The following SNAP47 variants were observed in gnomAD, a reference collection of about 807,000 sequenced individuals.
SNAP47 encodes synaptosome associated protein 47.
SNAP47 carries 20 observed loss-of-function variants against 31.4 expected under a neutral mutation model. The observed-to-expected ratio is 0.64, with a 90% CI of 0.45 to 0.93. The LOEUF (loss-of-function observed/expected upper bound fraction) is 0.93. Ranked by LOEUF, SNAP47 falls within the 40% of genes least tolerant of loss-of-function variation. SNAP47 has a pLI of 0.00. For missense variants in SNAP47, 492 were observed against 528.5 expected (o/e 0.93, Z 0.68); for synonymous variants, 194 against 213.4 (o/e 0.91, Z 0.79).
chr1:227,740,180 G>A (rs545853176), intron 1 of SNAP47, among the ~76,000 whole-genome samples: 1 of 152,346 alleles, frequency 6.6e-6, no homozygotes, highest in Admixed American at 6.5e-5. Flanking sequence ...TCCGAACAGA[G>A]ACCTGCGGAG....
intron 4 of SNAP47, among the ~76,000 whole-genome samples, chr1:227,772,786 A>C (rs1048643281): frequency 2.6e-5 from 4 of 152,138 alleles, no homozygotes; most frequent in African/African-American, 9.7e-5. Context: ...GTCCAGATCG[A>C]GTTTTCCCAA....
intron 1 of SNAP47, among the ~76,000 whole-genome samples, chr1:227,747,472 G>C (rs1662039788): frequency 6.6e-6 from 1 of 152,106 alleles, no homozygotes; most frequent in Non-Finnish European, 1.5e-5. Context: ...TGGGACTCAG[G>C]GGTCCTGGTT....
chr1:227,736,700 T>G (rs1661219912), intron 1 of SNAP47, among the ~76,000 whole-genome samples: 1 of 146,564 alleles, frequency 6.8e-6, no homozygotes, highest in African/African-American at 2.5e-5. Context: ...TTTTTTTTTT[T>G]TTTTGTAGAG....
At chr1:227,732,853 G>A, upstream of SNAP47, 2 of 1,611,446 alleles carry the variant, frequency 1.2e-6, no homozygotes, top group Non-Finnish European at 1.7e-6. Context: ...TCCCCCAGGA[G>A]GGTAGCCTCC....
At chr1:227,734,372 A>AT (rs1660911961), upstream of SNAP47, 1 of 351,238 alleles carries the variant, frequency 2.8e-6, no homozygotes, top group African/African-American at 2.2e-5. Context: ...AAAAAAAAAA[A>AT]AAAAAGCCGG....
intron 4 of SNAP47, among the ~76,000 whole-genome samples, chr1:227,772,502 G>A (rs1663885343): frequency 1.3e-5 from 2 of 152,170 alleles, no homozygotes; most frequent in Non-Finnish European, 2.9e-5. Context: ...GTTGGTGGAT[G>A]TACGAGCTGT....
intron 4 of SNAP47, among the ~76,000 whole-genome samples, chr1:227,770,099 G>T (rs1663697625): frequency 6.6e-6 from 1 of 152,260 alleles, no homozygotes; most frequent in African/African-American, 2.4e-5. Context: ...GGTCCCTGTG[G>T]GCACAGGTCC....
chr1:227,773,809 C>T (rs1663987876), intron 4 of SNAP47, among the ~76,000 whole-genome samples: 1 of 152,232 alleles, frequency 6.6e-6, no homozygotes, highest in South Asian at 2.1e-4. Context: ...GGCCCTGCCC[C>T]CTCAGTGTGT....
upstream of SNAP47, chr1:227,732,738 C>T: frequency 6.3e-7 from 1 of 1,596,120 alleles, no homozygotes; most frequent in Non-Finnish European, 8.5e-7. Context: ...TGCAAAGGAC[C>T]CGACATGCGC....
chr1:227,735,505 C>G lies in SNAP47; in HGVS notation c.-46+6C>G, dbSNP rs760961073. The G allele has an allele frequency of 7.1e-7, 1 of 1,402,394 alleles. No homozygotes were observed. Among genetic ancestry groups the G allele is most frequent in the Admixed American group, 3.3e-5 (1 of 30,230 alleles). The allele number at this position is 1,402,394 out of a possible 1,614,324, so 86.9% of individuals were successfully genotyped here. A position where few individuals can be genotyped will look rare whatever the true frequency, so the allele number is the denominator to read the frequency against. On this transcript the variant is annotated splice_donor_region_variant and intron_variant, in intron 1 of 4. Coordinates refer to ENST00000617596, the MANE Select transcript of SNAP47 (RefSeq NM_053052.4). ...ACTCGTCTGGCGTCCCTCAGGTGAGCGACGGTGTTGGTCTGTTGGGCGCCC... is the reference window on the plus strand; with the variant it reads ...ACTCGTCTGGCGTCCCTCAGGTGAGGGACGGTGTTGGTCTGTTGGGCGCCC...
intron 1 of SNAP47, among the ~76,000 whole-genome samples, chr1:227,740,983 C>T (rs1661555568): frequency 1.4e-5 from 2 of 145,314 alleles, no homozygotes; most frequent in South Asian, 2.1e-4. Context: ...AATTGGGGTG[C>T]CTGTTAGGGT....
chr1:227,751,864 T>G (rs899537768), intron 2 of SNAP47, among the ~76,000 whole-genome samples: 1 of 144,562 alleles, frequency 6.9e-6, no homozygotes, highest in Non-Finnish European at 1.5e-5. Context: ...CCCGGGTTCC[T>G]GCCATTCTCC....
chr1:227,743,507 C>T (rs891082262), intron 1 of SNAP47, among the ~76,000 whole-genome samples: 4 of 152,220 alleles, frequency 2.6e-5, no homozygotes, highest in Non-Finnish European at 5.9e-5. Context: ...CTGGCCTCGG[C>T]CCCTTGCTGC....
intron 1 of SNAP47, among the ~76,000 whole-genome samples, chr1:227,738,509 C>A (rs1042583078): frequency 2.0e-5 from 3 of 152,176 alleles, no homozygotes; most frequent in Admixed American, 2.0e-4. Flanking sequence ...CAGTCTCTTT[C>A]TCCATCGTGT....
upstream of SNAP47, chr1:227,734,736 A>G: frequency 1.2e-6 from 2 of 1,614,114 alleles, no homozygotes; most frequent in South Asian, 1.1e-5. Context: ...TAGGTGATGT[A>G]GTCTCTGAGA....
At chr1:227,743,675 G>A (rs143186604) in intron 1 of SNAP47, among the ~76,000 whole-genome samples, 1 of 152,166 alleles carries the variant, frequency 6.6e-6, no homozygotes, top group Non-Finnish European at 1.5e-5. Context: ...GTCACTATCT[G>A]TCTGCTCCCC....
At chr1:227,733,849 C>T (rs1660852012), upstream of SNAP47, 1 of 1,606,284 alleles carries the variant, frequency 6.2e-7, no homozygotes, top group Non-Finnish European at 8.5e-7. Flanking sequence ...CCCTGGGCCT[C>T]CCAGTCCGTT....
At chr1:227,750,430 C>T (rs1234319143) in intron 2 of SNAP47, among the ~76,000 whole-genome samples, 1 of 152,282 alleles carries the variant, frequency 6.6e-6, no homozygotes. Context: ...CACACACCAT[C>T]ACAGACACGT....
Position 227,780,605 on chromosome 1 carries a change from G to A in SNAP47, c.1192G>A (p.Ala398Thr). 1.9e-6 allele frequency: 3 copies of A among 1,614,228 alleles called. No homozygotes were observed. Among genetic ancestry groups the A allele is most frequent in the Non-Finnish European group, 2.5e-6 (3 of 1,180,044 alleles). The part of the protein sequence containing the change: ...ERQDEALDGV[A>T]AAVDRATLTI... ...ACAAGACGAAGCCCTGGATGGCGTT[G>A]CAGCAGCTGTGGACAGGGCAACCTT... Residue 398 changes from alanine (A) to threonine (T), a missense_variant, in exon 5 of 5, where the codon GCA becomes ACA. Ala to Thr is a moderately conservative substitution (Grantham distance 58). Coordinates refer to ENST00000617596, the MANE Select transcript of SNAP47 (RefSeq NM_053052.4).
Sources: allele counts gnomAD v4.1 joint callset (sites outside exome capture counted in the v4.1 genomes callset), GRCh38; gene constraint gnomAD v4.1.1; transcripts MANE v1.5; gene names NCBI Gene and HGNC (gene_info 2026-07-23, HGNC 2026-07-21).